The following IQGAP2 variants were observed in gnomAD, a reference collection of about 807,000 sequenced individuals.
IQGAP2 encodes ras GTPase-activating-like protein IQGAP2.
In IQGAP2, 173 loss-of-function variants were observed where a neutral mutation model predicts 201.3. That is an observed-to-expected ratio of 0.86 (90% CI 0.76 to 0.98). IQGAP2 has a LOEUF of 0.98. Among genes scored for constraint, IQGAP2 ranks in the 50% least tolerant of loss-of-function variants. The pLI is 0.00. For missense variants in IQGAP2, 1,687 were observed against 1,864.8 expected, an observed-to-expected ratio of 0.90 and a Z score of 1.76; for synonymous variants, 675 against 673.9, an observed-to-expected ratio of 1.00 and a Z score of -0.03.
At chr5:76,440,737 G>A (rs916493745) in intron 1 of IQGAP2, among the ~76,000 whole-genome samples, 1 of 152,234 alleles carries the variant, frequency 6.6e-6, no homozygotes, top group African/African-American at 2.4e-5. Context: ...AGCCTAGTAA[G>A]TAGTTAAGAG....
chr5:76,583,712 A>C (rs1341982876), intron 5 of IQGAP2, among the ~76,000 whole-genome samples: 1 of 152,226 alleles, frequency 6.6e-6, no homozygotes, highest in East Asian at 1.9e-4. Flanking sequence ...TACATTGTAC[A>C]ATGGAGAAAT....
chr5:76,658,067 G>T (rs953339204), intron 20 of IQGAP2, among the ~76,000 whole-genome samples: 1 of 152,100 alleles, frequency 6.6e-6, no homozygotes, highest in African/African-American at 2.4e-5. Flanking sequence ...AAGAATGTAA[G>T]TCACTTATCT....
chr5:76,690,758 A>G (rs1746193963), intron 30 of IQGAP2, among the ~76,000 whole-genome samples: 1 of 152,260 alleles, frequency 6.6e-6, no homozygotes, highest in East Asian at 1.9e-4. Flanking sequence ...GAAATATTTT[A>G]CATTCTTTGT....
At chr5:76,505,416 C>A (rs540915139) in intron 2 of IQGAP2, among the ~76,000 whole-genome samples, 9 of 152,310 alleles carry the variant, frequency 5.9e-5, no homozygotes, top group Admixed American at 3.3e-4. Flanking sequence ...GAGGGAGAGA[C>A]AGTTGCTGCT....
At chr5:76,558,741 ATC>A in intron 2 of IQGAP2, among the ~76,000 whole-genome samples, 1 of 152,342 alleles carries the variant, frequency 6.6e-6, no homozygotes, top group South Asian at 2.1e-4. Flanking sequence ...CCAAATTCTT[ATC>A]ACCAACACCC....
chr5:76,597,721 G>C (rs1166527639), intron 10 of IQGAP2, 119 bp downstream of exon 10: 49 of 1,009,692 alleles, frequency 4.9e-5, no homozygotes, highest in Non-Finnish European at 2.9e-6. Context: ...ACCAGTCCTG[G>C]TCTCACTGGC....
chr5:76,692,090 T>C (rs1011146656), intron 30 of IQGAP2, among the ~76,000 whole-genome samples: 6 of 152,362 alleles, frequency 3.9e-5, no homozygotes, highest in African/African-American at 7.2e-5. Flanking sequence ...AGTGTATGTA[T>C]AATTTAAACA....
At chr5:76,535,033 T>C (rs1192727803) in intron 2 of IQGAP2, among the ~76,000 whole-genome samples, 3 of 152,126 alleles carry the variant, frequency 2.0e-5, no homozygotes, top group African/African-American at 7.2e-5. Context: ...GAAAGAAGGC[T>C]GGTGAGGTAG....
intron 2 of IQGAP2, among the ~76,000 whole-genome samples, chr5:76,498,094 G>A (rs1757086500): frequency 6.6e-6 from 1 of 152,150 alleles, no homozygotes. Flanking sequence ...CATTCTAACT[G>A]TCTCACAATA....
rs568056910 is a variant in IQGAP2, at chr5:76,672,961, C to T, written c.3069-488C>T. ...AGGAGATATACCTAATGCTAAATGA[C>T]GAGTTAATGGGTGCAGTACACCAGC... On this transcript the variant is annotated intron_variant, in intron 24 of 35. Coordinates refer to ENST00000274364, the MANE Select transcript of IQGAP2 (RefSeq NM_006633.5). Among the ~76,000 whole-genome samples, 538 of 151,428 alleles carry T rather than the reference C, an allele frequency of 3.6e-3. 1 individual carries two copies. The highest frequency in any genetic ancestry group is 5.4e-3 in the Non-Finnish European group (367 of 67,906).
chr5:76,523,824 G>A (rs892751445), intron 2 of IQGAP2, among the ~76,000 whole-genome samples: 2 of 152,074 alleles, frequency 1.3e-5, no homozygotes, highest in African/African-American at 2.4e-5. Context: ...ACAAAGATGG[G>A]GGAAAGATTC....
At chr5:76,404,367 C>A in intron 1 of IQGAP2, 1 of 660,766 alleles carries the variant, frequency 1.5e-6, no homozygotes, top group Non-Finnish European at 1.9e-6. Context: ...ACACCAACCA[C>A]GTGGCTTCAT....
chr5:76,688,331 G>A (rs1745968642), intron 30 of IQGAP2, among the ~76,000 whole-genome samples: 2 of 152,198 alleles, frequency 1.3e-5, no homozygotes, highest in Non-Finnish European at 2.9e-5. Context: ...AATGTCACTA[G>A]TTTTCCAGTC....
chr5:76,488,990 A>C (rs1345213251), intron 2 of IQGAP2, among the ~76,000 whole-genome samples: 1 of 152,200 alleles, frequency 6.6e-6, no homozygotes, highest in African/African-American at 2.4e-5. Context: ...TAGGAGGTTC[A>C]GTAATCATTC....
chr5:76,438,439 A>G (rs1752839612), intron 1 of IQGAP2, among the ~76,000 whole-genome samples: 2 of 63,760 alleles, frequency 3.1e-5, no homozygotes, highest in Admixed American at 1.8e-4. Context: ...TATGGGCTTC[A>G]TTTTCATTTT....
chr5:76,471,605 T>C (rs1755115354), intron 2 of IQGAP2, among the ~76,000 whole-genome samples: 1 of 152,180 alleles, frequency 6.6e-6, no homozygotes, highest in Admixed American at 6.5e-5. Context: ...TCTGGCCTTA[T>C]CTAGTGGTGA....
chr5:76,573,351 G>A (rs570127889), intron 4 of IQGAP2, among the ~76,000 whole-genome samples: 29 of 152,296 alleles, frequency 1.9e-4, no homozygotes, highest in Non-Finnish European at 3.8e-4. Flanking sequence ...TGACTTTGAT[G>A]TATCATATTT....
intron 31 of IQGAP2, among the ~76,000 whole-genome samples, chr5:76,695,046 T>C (rs1020471987): frequency 6.6e-6 from 1 of 152,178 alleles, no homozygotes; most frequent in Non-Finnish European, 1.5e-5. Flanking sequence ...ATGGCTGATG[T>C]GTGAGAGTTT....
chr5:76,689,230 T>TAAAAAAA (rs11424254), intron 30 of IQGAP2, among the ~76,000 whole-genome samples: 4 of 86,488 alleles, frequency 4.6e-5, no homozygotes, highest in African/African-American at 9.5e-5. Flanking sequence ...CAGGGATATT[T>TAAAAAAA]AAAAAAAAAA....
Sources: gnomAD v4.1 joint callset for allele counts (sites outside exome capture counted in the v4.1 genomes callset) on GRCh38, gnomAD v4.1.1 for gene constraint, MANE v1.5 for transcripts, NCBI Gene and HGNC (gene_info 2026-07-23, HGNC 2026-07-21) for gene names.